Variants in ARHGAP4 observed in about 807,000 individuals in gnomAD.
ARHGAP4 encodes the protein rho GTPase-activating protein 4.
A neutral mutation model predicts 67.6 loss-of-function variants in ARHGAP4; 25 were observed. The ratio of observed to expected loss-of-function variants is 0.37; its 90% CI spans 0.27 to 0.52. The LOEUF (loss-of-function observed/expected upper bound fraction) is 0.52, where lower values mean the gene tolerates loss of function less well. Among genes scored for constraint, ARHGAP4 ranks in the 20% least tolerant of loss-of-function variants. The pLI is 0.92. For missense variants in ARHGAP4, 804 were observed against 854.6 expected, an observed-to-expected ratio of 0.94 and a Z score of 0.74; for synonymous variants, 448 against 373.7, an observed-to-expected ratio of 1.20 and a Z score of -2.29.
chrX:153,920,866 C>T, intron 4 of ARHGAP4, 58 bp from the exon 5 acceptor site: 1 of 1,178,518 alleles, frequency 8.5e-7, no homozygotes, highest in Non-Finnish European at 1.2e-6. Context: ...GGCCAGCCCC[C>T]AGCCCTCTAC....
intron 19 of ARHGAP4, 70 bp downstream of exon 19, chrX:153,909,671 G>T: frequency 9.0e-7 from 1 of 1,109,248 alleles, no homozygotes; most frequent in Non-Finnish European, 1.2e-6. Context: ...AATCTAACTT[G>T]GGGTCGGGGG....
chrX:153,917,724 C>T (rs1377667384), intron 7 of ARHGAP4, among the ~76,000 whole-genome samples: 1 of 112,187 alleles, frequency 8.9e-6, no homozygotes, highest in Non-Finnish European at 1.9e-5. Context: ...GCACTCCAGC[C>T]GAGGGGACAG....
At chrX:153,919,101 T>C in intron 6 of ARHGAP4, 48 bp from the exon 7 acceptor site, 1 of 1,210,088 alleles carries the variant, frequency 8.3e-7, no homozygotes, top group East Asian at 3.0e-5. Flanking sequence ...GAGCCACAGC[T>C]TCCCAGCCCC....
chrX:153,909,830 C>T lies in ARHGAP4; in HGVS notation c.2325G>A (p.Leu775=), dbSNP rs782031963. The T allele has an allele frequency of 8.3e-7, 1 of 1,202,036 alleles. No homozygotes were observed. Among genetic ancestry groups the T allele is most frequent in the South Asian group, 1.8e-5 (1 of 55,601 alleles). The part of the protein sequence containing the change: ...LSFRRGDVLR[L]HERASSDWWR... ...ACCAGTCGCTCGAGGCCCTCTCGTG[C>T]AGCCGCAGTACGTCCCCCCGCCGGA... is the stretch of plus-strand genomic sequence containing the variant. The change falls in exon 19 of 22, where the codon CTG becomes CTA. Residue 775 remains leucine, a synonymous_variant. Coordinates refer to ENST00000350060, the MANE Select transcript of ARHGAP4 (RefSeq NM_001666.5).
chrX:153,909,249 G>A, intron 20 of ARHGAP4, 80 bp from the exon 21 acceptor site: 5 of 979,828 alleles, frequency 5.1e-6, no homozygotes, highest in Non-Finnish European at 6.9e-6. Flanking sequence ...CCATCCTGGG[G>A]TGTGGCCAAG....
chrX:153,921,769 C>A lies in ARHGAP4; in HGVS notation c.108G>T (p.Glu36Asp). 1 of 1,200,048 alleles carries A rather than the reference C, an allele frequency of 8.3e-7. No individual in the cohort carries two copies. The highest frequency in any genetic ancestry group is 1.1e-6 in the Non-Finnish European group (1 of 890,434). ...WQLSEQLRCL[E>D]LQGELRRELL... ...ACTCCCGCCGCAGCTCGCCCTGCAGCTCCAGGCAGCGCAGCTGCTCGCTCA... is the reference window on the plus strand; with the variant it reads ...ACTCCCGCCGCAGCTCGCCCTGCAGATCCAGGCAGCGCAGCTGCTCGCTCA... Residue 36 changes from glutamate (E) to aspartate (D), a missense_variant, in exon 2 of 22, where the codon GAG becomes GAT. This residue lies in a region of ARHGAP4 where 404 missense variants were observed against 505.9 expected (regional missense o/e 0.80). Coordinates refer to ENST00000350060, the MANE Select transcript of ARHGAP4 (RefSeq NM_001666.5).
chrX:153,916,137 C>T (rs188803905), intron 7 of ARHGAP4, among the ~76,000 whole-genome samples: 7 of 112,980 alleles, frequency 6.2e-5, no homozygotes, highest in Middle Eastern at 4.6e-3. Flanking sequence ...AGAACTTCTT[C>T]CGAGCCACAA....
Position 153,921,086 on chromosome X carries a change from C to A in ARHGAP4, c.498+11G>T, listed in dbSNP as rs782572008. The A allele has an allele frequency of 5.0e-6, 6 of 1,199,483 alleles. No individual in the cohort carries two copies. Among genetic ancestry groups the A allele is most frequent in the Non-Finnish European group, 6.7e-6 (6 of 888,976 alleles). On this transcript the variant is annotated intron_variant, in intron 4 of 21. Coordinates refer to ENST00000350060, the MANE Select transcript of ARHGAP4 (RefSeq NM_001666.5). ...CCATTGGGGCAGGCCCCTCCCCAGC[C>A]CTTTCCTCACCGTCTGGAGCTCTGA...
At chrX:153,916,092 C>G (rs782469501) in intron 7 of ARHGAP4, among the ~76,000 whole-genome samples, 12 of 112,296 alleles carry the variant, frequency 1.1e-4, no homozygotes, top group Non-Finnish European at 2.3e-4. Context: ...GAAACAAGAC[C>G]ACTCTGCGAT....
chrX:153,909,795 T>TC lies in ARHGAP4; in HGVS notation c.2359dup (p.Glu787GlyfsTer58). On this transcript the variant is annotated frameshift_variant, in exon 19 of 22. Transcript: ENST00000350060. LOFTEE classifies it high-confidence loss of function. ...GATGAGGCCCCGCATGCCGTTGTGCTCCCCCCGCCACCAGTCGCTCGAGGC... is the reference window on the plus strand; with the variant it reads ...GATGAGGCCCCGCATGCCGTTGTGCTCCCCCCCGCCACCAGTCGCTCGAGGC... 1.7e-6 allele frequency: 2 copies of TC among 1,195,524 alleles called. No homozygotes were observed. Among genetic ancestry groups the TC allele is most frequent in the Non-Finnish European group, 1.1e-6 (1 of 888,785 alleles).
intron 5 of ARHGAP4, chrX:153,920,416 G>T: frequency 2.3e-6 from 1 of 434,221 alleles, no homozygotes; most frequent in Non-Finnish European, 3.8e-6. Context: ...GCATGGAGAG[G>T]CTGCATGGGG....
In ARHGAP4 at chrX:153,910,024, C is replaced by T. The variant is rs782262781; in HGVS notation, c.2218G>A (p.Ala740Thr). 1.2e-5 allele frequency: 14 copies of T among 1,209,766 alleles called. No homozygotes were observed. The highest frequency in any genetic ancestry group is 3.0e-5 in the East Asian group (1 of 33,736). Residue 740 changes from alanine to threonine, a missense_variant, in exon 18 of 22, where the codon GCA becomes ACA. By Grantham distance (58) the Ala-to-Thr change is moderately conservative (BLOSUM62 0). Around this residue, in one of 2 missense-constraint regions of ARHGAP4, gnomAD observed 400 missense variants for 348.7 expected, o/e 1.15. Coordinates refer to ENST00000350060, the MANE Select transcript of ARHGAP4 (RefSeq NM_001666.5). ...NEPELEAEMP[A>T]QEDDLEGVVE... Reference sequence around the variant, plus strand: ...CCATCGCCCTCACCATCCTCCTGTGCGGGCATCTCGGCTTCCAGCTCCGGC... The same window carrying T: ...CCATCGCCCTCACCATCCTCCTGTGTGGGCATCTCGGCTTCCAGCTCCGGC...
At position 153,918,982 on chromosome X, in the gene ARHGAP4, G is replaced by C; in HGVS notation, c.882C>G (p.Thr294=). 1 of 1,212,055 alleles carries C rather than the reference G, an allele frequency of 8.3e-7. No homozygotes were observed. Among genetic ancestry groups the C allele is most frequent in the Non-Finnish European group, 1.1e-6 (1 of 895,560 alleles). ...LRSYTAAESR[T]QASQVQGLGS... is the part of the protein sequence containing the mutation. ...CCAGGCCCTGCACTTGGGAGGCTTGGGTGCGGCTCTCAGCGGCCGTGTAGC... is the reference window on the plus strand; with the variant it reads ...CCAGGCCCTGCACTTGGGAGGCTTGCGTGCGGCTCTCAGCGGCCGTGTAGC... The change falls in exon 7 of 22, where the codon ACC becomes ACG. Residue 294 remains threonine, a synonymous_variant. Coordinates refer to ENST00000350060, the MANE Select transcript of ARHGAP4 (RefSeq NM_001666.5).
intron 1 of ARHGAP4, among the ~76,000 whole-genome samples, chrX:153,925,708 G>C (rs782627632): frequency 1.8e-5 from 2 of 111,966 alleles, no homozygotes; most frequent in African/African-American, 6.5e-5. Flanking sequence ...ACTGCAGTGG[G>C]GTTACGGCCA....
Position 153,921,818 on chromosome X carries a change from G to C in ARHGAP4, c.68-9C>G. ...CAGCTGCCAGCGCATCTCTGTGGGGGGAACCATGGCTCAGGCCTGGTCAGC... is the reference window on the plus strand; with the variant it reads ...CAGCTGCCAGCGCATCTCTGTGGGGCGAACCATGGCTCAGGCCTGGTCAGC... On this transcript the variant is annotated splice_polypyrimidine_tract_variant and intron_variant, in intron 1 of 21. Coordinates refer to ENST00000350060, the MANE Select transcript of ARHGAP4 (RefSeq NM_001666.5). 1.7e-6 allele frequency: 2 copies of C among 1,179,623 alleles called. No individual in the cohort carries two copies. Among genetic ancestry groups the C allele is most frequent in the Non-Finnish European group, 2.3e-6 (2 of 881,795 alleles).
At chrX:153,926,043 C>T in intron 1 of ARHGAP4, 93 bp downstream of exon 1, 1 of 1,111,386 alleles carries the variant, frequency 9.0e-7, no homozygotes, top group Non-Finnish European at 1.2e-6. Context: ...GGGAGAGCAT[C>T]GGGCCCTGGG....
Position 153,909,156 on chromosome X carries a change from T to G in ARHGAP4, c.2521A>C (p.Thr841Pro), listed in dbSNP as rs782074399. Residue 841 changes from threonine (T) to proline (P), a missense_variant, in exon 21 of 22, where the codon ACC becomes CCC. Around this residue, in one of 2 missense-constraint regions of ARHGAP4, gnomAD observed 400 missense variants for 348.7 expected, o/e 1.15. Transcript: ENST00000350060. The stretch of plus-strand genomic sequence containing the variant: ...GAGGGTCCCATGGCCTCAGGTGAGG[T>G]GCATGGCTCTGGCCTGCAGGACAGA... ...SELVHRPEPC[T>P]SPEAMGPSGH... 1.4e-5 allele frequency: 17 copies of G among 1,206,675 alleles called. No individual in the cohort carries two copies. The highest frequency in any genetic ancestry group is 4.4e-5 in the Admixed American group (2 of 45,754).
At chrX:153,915,483 T>C (rs2065050175) in intron 7 of ARHGAP4, among the ~76,000 whole-genome samples, 1 of 111,733 alleles carries the variant, frequency 8.9e-6, no homozygotes, top group Admixed American at 9.5e-5. Flanking sequence ...GGCGGGTGGA[T>C]CACTTGAGCC....
At chrX:153,908,671 C>T (rs1358012453) in intron 21 of ARHGAP4, among the ~76,000 whole-genome samples, 1 of 109,449 alleles carries the variant, frequency 9.1e-6, no homozygotes, top group Non-Finnish European at 1.9e-5. Flanking sequence ...GTGCCAAGCG[C>T]CTGCCATGGC....
Sources: gnomAD v4.1 joint callset for allele counts (sites outside exome capture counted in the v4.1 genomes callset) on GRCh38, gnomAD v4.1.1 for gene constraint, gnomAD v4.1.1 regional missense constraint, MANE v1.5 for transcripts, NCBI Gene and HGNC (gene_info 2026-07-23, HGNC 2026-07-21) for gene names.